Variants in SRPK1 observed in about 807,000 individuals in gnomAD.
SRPK1 encodes SFRS protein kinase 1.
SRPK1 carries 52 observed loss-of-function variants against 89.5 expected under a neutral mutation model. The ratio of observed to expected loss-of-function variants is 0.58; its 90% CI spans 0.46 to 0.73. SRPK1 has a LOEUF of 0.73. Ranked by LOEUF, SRPK1 falls within the 30% of genes least tolerant of loss-of-function variation. SRPK1 has a pLI of 0.00. For missense variants in SRPK1, 603 were observed against 780.6 expected, an observed-to-expected ratio of 0.77 and a Z score of 2.71; for synonymous variants, 255 against 270.2, an observed-to-expected ratio of 0.94 and a Z score of 0.55.
chr6:35,838,850 T>G, intron 14 of SRPK1: 7 of 1,349,788 alleles, frequency 5.2e-6, no homozygotes, highest in Non-Finnish European at 6.9e-6. Context: ...TAAAAGAGGT[T>G]TTTCTATGAA....
At chr6:35,898,942 C>G (rs1770683773) in intron 2 of SRPK1, among the ~76,000 whole-genome samples, 1 of 152,132 alleles carries the variant, frequency 6.6e-6, no homozygotes, top group Non-Finnish European at 1.5e-5. Flanking sequence ...AAGCGGATCA[C>G]CTGAGGTCAC....
chr6:35,891,765 A>G (rs1358751916), intron 2 of SRPK1, among the ~76,000 whole-genome samples: 1 of 151,822 alleles, frequency 6.6e-6, no homozygotes, highest in East Asian at 1.9e-4. Context: ...TGCTTCCCTT[A>G]GAAGTATCAC....
intron 2 of SRPK1, among the ~76,000 whole-genome samples, chr6:35,915,612 C>A (rs1771072613): frequency 6.6e-6 from 1 of 151,980 alleles, no homozygotes; most frequent in African/African-American, 2.4e-5. Context: ...ATATTTAATA[C>A]ACGAAAAATA....
intron 2 of SRPK1, among the ~76,000 whole-genome samples, chr6:35,894,427 T>C (rs1770588791): frequency 6.6e-6 from 1 of 152,130 alleles, no homozygotes; most frequent in Non-Finnish European, 1.5e-5. Flanking sequence ...AAGATAATAA[T>C]GCTCAAAAAG....
intron 6 of SRPK1, among the ~76,000 whole-genome samples, chr6:35,877,779 GT>G (rs1343218828): frequency 1.3e-5 from 2 of 151,312 alleles, no homozygotes. Context: ...GGAGGCGGAG[GT>G]TGCAGTGAGC....
chr6:35,848,260 C>T (rs372665496), intron 13 of SRPK1, among the ~76,000 whole-genome samples: 1 of 152,024 alleles, frequency 6.6e-6, no homozygotes, highest in African/African-American at 2.4e-5. Context: ...ATCATGAGCA[C>T]AAAGAAGAAA....
intron 2 of SRPK1, among the ~76,000 whole-genome samples, chr6:35,911,751 G>T (rs1341056212): frequency 6.6e-6 from 1 of 151,796 alleles, no homozygotes; most frequent in Non-Finnish European, 1.5e-5. Context: ...TCTTGAGATG[G>T]AATCTACTAT....
chr6:35,852,400 A>G (rs1437996010), intron 13 of SRPK1, among the ~76,000 whole-genome samples: 1 of 152,180 alleles, frequency 6.6e-6, no homozygotes, highest in Non-Finnish European at 1.5e-5. Flanking sequence ...TGGTGTTTGT[A>G]TTACCTCTGT....
At chr6:35,857,132 A>G (rs1769681338) in intron 13 of SRPK1, 129 bp downstream of exon 13, 2 of 678,848 alleles carry the variant, frequency 2.9e-6, no homozygotes, top group Non-Finnish European at 5.1e-6. Context: ...CATAGAATTT[A>G]GAATACCTAT....
intron 6 of SRPK1, among the ~76,000 whole-genome samples, chr6:35,880,217 C>T (rs775935605): frequency 2.0e-5 from 3 of 149,504 alleles, no homozygotes. Flanking sequence ...CTGAAAAGTA[C>T]AATAACCAAA....
chr6:35,869,572 G>T lies in SRPK1; in HGVS notation c.1321C>A (p.His441Asn). ...ATGCTTTCTTGAAGTTGGCTAATGT[G>T]TTGTTCACTGAATGACTGACCTACA... ...STVGQSFSEQHISQLQESIRA... is the reference protein window; with the variant it reads ...STVGQSFSEQNISQLQESIRA... Residue 441 changes from histidine to asparagine, a missense_variant, in exon 11 of 16, where the codon CAC (histidine) becomes AAC (asparagine). Physicochemically the swap from His to Asn is moderately conservative, Grantham distance 68 (BLOSUM62 1). Coordinates refer to ENST00000373825, the MANE Select transcript of SRPK1 (RefSeq NM_003137.5). 6.2e-7 allele frequency: 1 copy of T among 1,613,970 alleles called. No homozygotes were observed. Among genetic ancestry groups the T allele is most frequent in the Non-Finnish European group, 8.5e-7 (1 of 1,179,882 alleles).
intron 2 of SRPK1, among the ~76,000 whole-genome samples, chr6:35,896,214 G>A (rs368543614): frequency 3.9e-5 from 6 of 152,112 alleles, no homozygotes; most frequent in Non-Finnish European, 7.4e-5. Flanking sequence ...CCCTCAATCC[G>A]TGGGGTCTCC....
At chr6:35,897,553 C>T (rs143670515) in intron 2 of SRPK1, among the ~76,000 whole-genome samples, 52 of 152,288 alleles carry the variant, frequency 3.4e-4, no homozygotes, top group Middle Eastern at 3.4e-3. Flanking sequence ...CTCACTCTAC[C>T]GCCCAGGCTG....
intron 2 of SRPK1, among the ~76,000 whole-genome samples, chr6:35,910,808 T>C (rs1770942389): frequency 6.6e-6 from 1 of 152,250 alleles, no homozygotes; most frequent in African/African-American, 2.4e-5. Flanking sequence ...ACTCTGCCTG[T>C]GCTCTATAAA....
At chr6:35,874,366 A>G (rs1476747584) in intron 6 of SRPK1, 27 bp from the exon 7 acceptor site, 5 of 1,527,168 alleles carry the variant, frequency 3.3e-6, no homozygotes, top group African/African-American at 1.4e-5. Flanking sequence ...GAGGGAAAAA[A>G]CGGCACAAAA....
At chr6:35,881,872 G>T (rs1770298196) in intron 6 of SRPK1, among the ~76,000 whole-genome samples, 1 of 152,000 alleles carries the variant, frequency 6.6e-6, no homozygotes, top group Non-Finnish European at 1.5e-5. Flanking sequence ...CAAGGCAATA[G>T]AGGACTTAAC....
At chr6:35,890,062 C>T (rs993476031) in intron 3 of SRPK1, among the ~76,000 whole-genome samples, 71 of 151,738 alleles carry the variant, frequency 4.7e-4, no homozygotes, top group Admixed American at 2.0e-4. Flanking sequence ...GAGCCGAGAT[C>T]GCGCCAACTG....
chr6:35,841,732 C>T (rs1329928183), intron 14 of SRPK1, among the ~76,000 whole-genome samples: 1 of 149,220 alleles, frequency 6.7e-6, no homozygotes, highest in Non-Finnish European at 1.5e-5. Context: ...CTCGAGAGGC[C>T]GAGGCAGGAG....
intron 2 of SRPK1, chr6:35,920,028 A>G (rs565446724): frequency 4.4e-6 from 2 of 455,930 alleles, no homozygotes; most frequent in Middle Eastern, 3.3e-4. Context: ...CAAAGTAAAC[A>G]CGGAAAAATT....
Sources: gnomAD v4.1 joint callset for allele counts (sites outside exome capture counted in the v4.1 genomes callset) on GRCh38, gnomAD v4.1.1 for gene constraint, MANE v1.5 for transcripts, NCBI Gene and HGNC (gene_info 2026-07-23, HGNC 2026-07-21) for gene names.